CCAR2: variants seen among roughly 807,000 people sequenced by gnomAD.
CCAR2 encodes the protein cell cycle and apoptosis regulator 2, also known as cell cycle and apoptosis regulator protein 2.
A neutral mutation model predicts 108.1 loss-of-function variants in CCAR2; 21 were observed. That is an observed-to-expected ratio of 0.19 (90% CI 0.14 to 0.28). The LOEUF is 0.28. Among genes scored for constraint, CCAR2 ranks in the 10% least tolerant of loss-of-function variants. The pLI, the probability that CCAR2 is intolerant of heterozygous loss-of-function variation, is 1.00. For missense variants in CCAR2, 1,126 were observed against 1,177.0 expected, an observed-to-expected ratio of 0.96 and a Z score of 0.63; for synonymous variants, 577 against 472.8, an observed-to-expected ratio of 1.22 and a Z score of -2.86.
intron 17 of CCAR2, 51 bp downstream of exon 17, chr8:22,618,546 C>A (rs772659228): frequency 6.2e-7 from 1 of 1,614,072 alleles, no homozygotes; most frequent in Non-Finnish European, 8.5e-7. Flanking sequence ...GCACTTACTC[C>A]TGCTCTAGGT....
At chr8:22,621,314 C>A (rs549133253), downstream of CCAR2, 2 of 1,415,232 alleles carry the variant, frequency 1.4e-6, no homozygotes, top group African/African-American at 1.4e-5. Flanking sequence ...GGCAAGTGAA[C>A]CAGGGCCACC....
intron 5 of CCAR2, 48 bp from the exon 6 acceptor site, chr8:22,607,148 G>C: frequency 6.2e-7 from 1 of 1,611,318 alleles, no homozygotes; most frequent in Non-Finnish European, 8.5e-7. Context: ...AAGGTAGTGA[G>C]TGCCTCAACC....
At chr8:22,616,456 G>A (rs1175370288) in intron 14 of CCAR2, 4 of 589,448 alleles carry the variant, frequency 6.8e-6, no homozygotes, top group Admixed American at 6.0e-5. Context: ...CAGCCTGACA[G>A]CACAGAAACC....
chr8:22,617,615 A>G, intron 15 of CCAR2, 51 bp downstream of exon 15: 1 of 1,611,214 alleles, frequency 6.2e-7, no homozygotes, highest in Non-Finnish European at 8.5e-7. Flanking sequence ...GTGGCTTTCC[A>G]CCTGTGGCCA....
rs1377644837 is a variant in CCAR2, at chr8:22,614,317, A to G, written c.927+3A>G. 1 of 1,614,042 alleles carries G rather than the reference A, an allele frequency of 6.2e-7. No individual in the cohort carries two copies. The highest frequency in any genetic ancestry group is 8.5e-7 in the Non-Finnish European group (1 of 1,179,952). The stretch of plus-strand genomic sequence containing the variant: ...GTGACCCCGCTTATAGTTCGAAGGT[A>G]AGCTGACAGGCGTCTCTCACTTATC... On this transcript the variant is annotated splice_donor_region_variant and intron_variant, in intron 9 of 20. Transcript: ENST00000308511.
At position 22,619,930 on chromosome 8, in the gene CCAR2, A is replaced by AT. The variant is rs1245453801; in HGVS notation, c.*252dup. The AT allele has an allele frequency of 1.8e-6, 1 of 544,986 alleles. No homozygotes were observed. The highest frequency in any genetic ancestry group is 3.3e-6 in the Non-Finnish European group (1 of 302,782). 33.8% of individuals were successfully genotyped at this position (544,986 alleles called of 1,614,324 possible). A position where few individuals can be genotyped will look rare whatever the true frequency, so the allele number is the denominator to read the frequency against. ...ACATCTTTTGCACCCCTAGAATGTC[A>AT]TTTTGCCCTCAACCTTGGTATTTCT... is the stretch of plus-strand genomic sequence containing the variant. On this transcript the variant is annotated 3_prime_UTR_variant, in exon 21 of 21. Transcript: ENST00000308511.
At chr8:22,615,359 C>G (rs916969235) in intron 11 of CCAR2, 66 bp from the exon 12 acceptor site, 9 of 1,551,910 alleles carry the variant, frequency 5.8e-6, no homozygotes, top group Admixed American at 3.6e-5. Context: ...AAGCCCTTGC[C>G]TGTGAACGTG....
rs1801579403 is a variant in CCAR2 at position 22,617,681 on chromosome 8, T to TTGGCCTTTC, written c.1991-12_1991-4dup. 6.2e-7 allele frequency: 1 copy of TTGGCCTTTC among 1,614,242 alleles called. No homozygotes were observed. The highest frequency in any genetic ancestry group is 1.7e-5 in the Admixed American group (1 of 60,030). Reference sequence around the variant, plus strand: ...GGGTGGGCCCTGCTCTCCATTTATCTTGGCCTTTCTGTAGCAGGAGCAAAG... The same window carrying TTGGCCTTTC: ...GGGTGGGCCCTGCTCTCCATTTATCTTGGCCTTTCTGGCCTTTCTGTAGCAGGAGCAAAG... On this transcript the variant is annotated splice_polypyrimidine_tract_variant and intron_variant, in intron 15 of 20. Coordinates refer to ENST00000308511, the MANE Select transcript of CCAR2 (RefSeq NM_001393997.1).
chr8:22,618,201 C>T, intron 16 of CCAR2, 148 bp from the exon 17 acceptor site: 3 of 1,027,016 alleles, frequency 2.9e-6, no homozygotes, highest in Non-Finnish European at 4.4e-6. Context: ...AGTGATTCTC[C>T]TGCCTTAGCC....
At position 22,614,120 on chromosome 8, in the gene CCAR2, C is replaced by T. The variant is rs1801400020; in HGVS notation, c.733C>T (p.Arg245Cys). 6 of 1,614,018 alleles carry T rather than the reference C, an allele frequency of 3.7e-6. No individual in the cohort carries two copies. The highest frequency in any genetic ancestry group is 1.3e-5 in the African/African-American group (1 of 75,048). The change falls in exon 9 of 21, where the codon CGC becomes TGC. Residue 245 changes from arginine to cysteine, a missense_variant. Arg to Cys is a radical substitution (Grantham distance 180). Transcript: ENST00000308511. The stretch of plus-strand genomic sequence containing the variant: ...CATCTGTGACTTCCTAGAACTCCAG[C>T]GCCGTTACCGCAGCCTCCTGGTCCC... ...SPICDFLELQ[R>C]RYRSLLVPSD...
Position 22,614,988 on chromosome 8 carries a change from G to A in CCAR2, c.1192G>A (p.Gly398Ser), listed in dbSNP as rs200584294. 1.3e-5 allele frequency: 21 copies of A among 1,582,018 alleles called. No homozygotes were observed. Among genetic ancestry groups the A allele is most frequent in the African/African-American group, 4.0e-5 (3 of 74,188 alleles). ...GGCCCAGACTGGCATTGATTTGAGCGGCTGTACCAAGTGGTGAGTGGGCTT... is the reference window on the plus strand; with the variant it reads ...GGCCCAGACTGGCATTGATTTGAGCAGCTGTACCAAGTGGTGAGTGGGCTT... ...AQAQTGIDLS[G>S]CTKWWRFAEF... Residue 398 changes from glycine to serine, a missense_variant, in exon 11 of 21, where the codon GGC becomes AGC. Around this residue, in one of 4 missense-constraint regions of CCAR2, gnomAD observed 1,013 missense variants for 993.9 expected, o/e 1.02. Coordinates refer to ENST00000308511, the MANE Select transcript of CCAR2 (RefSeq NM_001393997.1).
chr8:22,617,865 C>T, intron 16 of CCAR2, 87 bp downstream of exon 16: 1 of 1,353,566 alleles, frequency 7.4e-7, no homozygotes, highest in Non-Finnish European at 1.1e-6. Context: ...AGGATGCTTA[C>T]CAGTGACTTC....
chr8:22,615,592 A>G lies in CCAR2; in HGVS notation c.1373A>G (p.Gln458Arg). The change falls in exon 12 of 21, where the codon CAA becomes CGA. Residue 458 changes from glutamine to arginine, a missense_variant. Transcript: ENST00000308511. ...AEAAPPTQEA[Q>R]GETEPTEQAP... is the part of the protein sequence containing the mutation. Reference sequence around the variant, plus strand: ...GCAGCTCCCCCAACCCAGGAGGCACAAGGGGTAAGGCTGTGCCTTAGCCAG... The same window carrying G: ...GCAGCTCCCCCAACCCAGGAGGCACGAGGGGTAAGGCTGTGCCTTAGCCAG... 1 of 1,613,856 alleles carries G rather than the reference A, an allele frequency of 6.2e-7. No individual in the cohort carries two copies. The highest frequency in any genetic ancestry group is 1.1e-5 in the South Asian group (1 of 91,074).
chr8:22,610,552 C>G (rs561163037), intron 7 of CCAR2, among the ~76,000 whole-genome samples: 1 of 152,198 alleles, frequency 6.6e-6, no homozygotes, highest in African/African-American at 2.4e-5. Context: ...TTCCTGCGAG[C>G]TGGAGAGTTG....
chr8:22,610,955 A>C, intron 7 of CCAR2, among the ~76,000 whole-genome samples: 1 of 152,196 alleles, frequency 6.6e-6, no homozygotes, highest in East Asian at 1.9e-4. Flanking sequence ...TATCTATTGC[A>C]CTTATAACGT....
At chr8:22,613,923 G>C (rs1211401696) in intron 8 of CCAR2, 169 bp from the exon 9 acceptor site, 2 of 606,300 alleles carry the variant, frequency 3.3e-6, no homozygotes, top group African/African-American at 3.7e-5. Flanking sequence ...TTGCCATCTA[G>C]AGTTTGTAAA....
intron 14 of CCAR2, 71 bp from the exon 15 acceptor site, chr8:22,617,349 C>T: frequency 6.7e-7 from 1 of 1,499,260 alleles, no homozygotes; most frequent in East Asian, 2.3e-5. Context: ...ACTCAGGTGT[C>T]AGCCATGCTT....
chr8:22,604,771 T>TGGCGGCGGCAGC lies in CCAR2; in HGVS notation c.-109_-98dup, dbSNP rs1563899465. 4 of 456,084 alleles carry TGGCGGCGGCAGC rather than the reference T, an allele frequency of 8.8e-6. 1 individual carries two copies. The highest frequency in any genetic ancestry group is 8.8e-6 in the Non-Finnish European group (2 of 226,864). 28.3% of individuals were successfully genotyped at this position (456,084 alleles called of 1,614,324 possible). ...CGCGCTTCCGGAGAGGCGCTTCCGG[T>TGGCGGCGGCAGC]GGCGGCGGCAGCAGCGGCTGTGGTG... On this transcript the variant is annotated 5_prime_UTR_variant, in exon 1 of 21. Coordinates refer to ENST00000308511, the MANE Select transcript of CCAR2 (RefSeq NM_001393997.1).
chr8:22,619,910 T>G lies in CCAR2; in HGVS notation c.*228T>G. On this transcript the variant is annotated 3_prime_UTR_variant, in exon 21 of 21. Coordinates refer to ENST00000308511, the MANE Select transcript of CCAR2 (RefSeq NM_001393997.1). ...CCACTTAACAACTAAATACAACATC[T>G]TTTGCACCCCTAGAATGTCATTTTG... 1 of 575,546 alleles carries G rather than the reference T, an allele frequency of 1.7e-6. No individual in the cohort carries two copies. Among genetic ancestry groups the G allele is most frequent in the Middle Eastern group, 4.7e-4 (1 of 2,140 alleles). 35.7% of individuals were successfully genotyped at this position (575,546 alleles called of 1,614,324 possible).
Sources: allele counts gnomAD v4.1 joint callset (sites outside exome capture counted in the v4.1 genomes callset), GRCh38; gene constraint gnomAD v4.1.1; regional missense constraint gnomAD v4.1.1; transcripts MANE v1.5; gene names NCBI Gene and HGNC (gene_info 2026-07-23, HGNC 2026-07-21).